Variants in BRINP2 observed in about 807,000 individuals in gnomAD.
BRINP2 encodes the protein BMP/retinoic acid inducible neural specific 2, also known as BMP/retinoic acid-inducible neural-specific protein 2.
In BRINP2, 21 loss-of-function variants were observed where a neutral mutation model predicts 69.2. That is an observed-to-expected ratio of 0.30 (90% CI 0.22 to 0.44). BRINP2 has a LOEUF of 0.44. Among genes scored for constraint, BRINP2 ranks in the 20% least tolerant of loss-of-function variants. The pLI is 1.00. For missense variants in BRINP2, 877 were observed against 986.0 expected, an observed-to-expected ratio of 0.89 and a Z score of 1.48; for synonymous variants, 380 against 394.1, an observed-to-expected ratio of 0.96 and a Z score of 0.42.
intron 7 of BRINP2, 133 bp from the exon 8 acceptor site, chr1:177,280,279 A>G (rs1205267634): frequency 5.6e-5 from 53 of 946,580 alleles, no homozygotes; most frequent in Non-Finnish European, 8.2e-5. Flanking sequence ...AGTTTCTGCC[A>G]CTCAGAGATC....
rs1212339983 is a variant in BRINP2 at position 177,276,567 on chromosome 1, ACCT to A, written c.1012+135_1012+137del. The stretch of plus-strand genomic sequence containing the variant: ...ACATGACCACTTAATTGTGTCTGTG[ACCT>A]CAAGCAGGTTATATCACCACCCTGA... On this transcript the variant is annotated intron_variant, in intron 6 of 7. Transcript: ENST00000361539. 45 of 808,060 alleles carry A rather than the reference ACCT, an allele frequency of 5.6e-5. No homozygotes were observed. In the African/African-American group the frequency reaches 7.4e-4, roughly 13 times the overall value. 50.1% of individuals were successfully genotyped at this position (808,060 alleles called of 1,614,324 possible). A position where few individuals can be genotyped will look rare whatever the true frequency, so the allele number is the denominator to read the frequency against.
intron 6 of BRINP2, among the ~76,000 whole-genome samples, 160 bp from the exon 7 acceptor site, chr1:177,278,403 G>T (rs994307513): frequency 3.4e-5 from 5 of 148,652 alleles, no homozygotes; most frequent in African/African-American, 1.3e-4. Context: ...TCTCAATAAA[G>T]GTGTTGATTT....
intron 1 of BRINP2, among the ~76,000 whole-genome samples, chr1:177,202,856 G>A (rs1192219236): frequency 6.6e-6 from 1 of 152,154 alleles, no homozygotes; most frequent in Admixed American, 6.5e-5. Flanking sequence ...TGGACAAATA[G>A]GAACACTTGT....
At chr1:177,230,230 A>G (rs972246834) in intron 2 of BRINP2, 85 bp downstream of exon 2, 1 of 1,447,096 alleles carries the variant, frequency 6.9e-7, no homozygotes, top group Non-Finnish European at 9.3e-7. Context: ...CCAAACCCCT[A>G]AACAGGCTGG....
intron 1 of BRINP2, among the ~76,000 whole-genome samples, chr1:177,202,017 G>A (rs1648928833): frequency 6.6e-6 from 1 of 152,288 alleles, no homozygotes; most frequent in South Asian, 2.1e-4. Flanking sequence ...TCTGATGGTA[G>A]TTTGTATTTC....
chr1:177,182,025 G>A (rs145790375), intron 1 of BRINP2, among the ~76,000 whole-genome samples: 1 of 152,330 alleles, frequency 6.6e-6, no homozygotes, highest in Non-Finnish European at 1.5e-5. Flanking sequence ...GCGTGCGCGT[G>A]TGCGGAGAAG....
intron 1 of BRINP2, among the ~76,000 whole-genome samples, chr1:177,188,826 A>AC (rs11431448): frequency 6.6e-6 from 1 of 151,862 alleles, no homozygotes; most frequent in Non-Finnish European, 1.5e-5. Flanking sequence ...TTTATAGAAA[A>AC]AAACCCACAC....
intron 1 of BRINP2, among the ~76,000 whole-genome samples, chr1:177,184,428 C>G (rs1001961766): frequency 6.6e-6 from 1 of 152,114 alleles, no homozygotes; most frequent in Non-Finnish European, 1.5e-5. Flanking sequence ...ACAAACAAAA[C>G]TGATATCTTG....
intron 1 of BRINP2, among the ~76,000 whole-genome samples, chr1:177,173,475 T>C (rs1201033884): frequency 1.3e-5 from 2 of 152,090 alleles, no homozygotes; most frequent in Non-Finnish European, 2.9e-5. Context: ...TCACCAAAAA[T>C]GGAGCTGGCT....
At chr1:177,176,976 G>C (rs1228542989) in intron 1 of BRINP2, among the ~76,000 whole-genome samples, 1 of 152,086 alleles carries the variant, frequency 6.6e-6, no homozygotes, top group East Asian at 1.9e-4. Flanking sequence ...GGATCAGCTG[G>C]GTATGTTTGT....
intron 1 of BRINP2, among the ~76,000 whole-genome samples, chr1:177,194,390 A>T (rs1485091994): frequency 2.0e-5 from 3 of 152,138 alleles, no homozygotes; most frequent in Admixed American, 2.0e-4. Context: ...TAGATAATGG[A>T]GTTCTTTCTG....
intron 1 of BRINP2, among the ~76,000 whole-genome samples, chr1:177,211,196 G>A (rs1649211883): frequency 4.6e-5 from 7 of 151,982 alleles, no homozygotes; most frequent in Admixed American, 4.6e-4. Context: ...TTGGTAAATA[G>A]CATAGATGTC....
chr1:177,205,884 G>A (rs1649057626), intron 1 of BRINP2, among the ~76,000 whole-genome samples: 2 of 152,108 alleles, frequency 1.3e-5, no homozygotes, highest in African/African-American at 4.8e-5. Context: ...CCTGGTATTC[G>A]CACCCTTGCA....
intron 1 of BRINP2, among the ~76,000 whole-genome samples, chr1:177,195,040 TA>T (rs1648702823): frequency 6.6e-6 from 1 of 152,176 alleles, no homozygotes; most frequent in Non-Finnish European, 1.5e-5. Context: ...CCTGTGGGTA[TA>T]AAATTTAAAA....
At chr1:177,215,955 T>C (rs1649363147) in intron 1 of BRINP2, among the ~76,000 whole-genome samples, 1 of 152,120 alleles carries the variant, frequency 6.6e-6, no homozygotes, top group Admixed American at 6.5e-5. Flanking sequence ...TTCTGTCCAA[T>C]TGCAAAGAAT....
At chr1:177,219,967 C>T (rs189725545) in intron 1 of BRINP2, among the ~76,000 whole-genome samples, 21 of 152,282 alleles carry the variant, frequency 1.4e-4, no homozygotes, top group Admixed American at 1.2e-3. Context: ...CTCTGGAGTA[C>T]GAAAGCAGCT....
intron 4 of BRINP2, among the ~76,000 whole-genome samples, chr1:177,260,318 T>G (rs535110684): frequency 6.6e-6 from 1 of 152,220 alleles, no homozygotes; most frequent in Non-Finnish European, 1.5e-5. Context: ...TTGCTTCTTA[T>G]GAATGAGCAA....
intron 2 of BRINP2, among the ~76,000 whole-genome samples, chr1:177,248,222 G>A (rs1271695003): frequency 6.6e-6 from 1 of 152,102 alleles, no homozygotes; most frequent in Non-Finnish European, 1.5e-5. Context: ...GAAATATTTT[G>A]AATTTTTTTT....
rs894977705 is a variant in BRINP2 at position 177,206,213 on chromosome 1, G to A, written c.-76-23588G>A. Among the ~76,000 whole-genome samples, 5 of 152,274 alleles carry A rather than the reference G, an allele frequency of 3.3e-5. No individual in the cohort carries two copies. In the East Asian group the frequency reaches 9.7e-4, roughly 29 times the overall value. Reference sequence around the variant, plus strand: ...CCCAGTCAAACTTCAGATGACTGAAGCCTTGGCAGGCATTATGGCTACAAC... The same window carrying A: ...CCCAGTCAAACTTCAGATGACTGAAACCTTGGCAGGCATTATGGCTACAAC... On this transcript the variant is annotated intron_variant, in intron 1 of 7. Coordinates refer to ENST00000361539, the MANE Select transcript of BRINP2 (RefSeq NM_021165.4).
Sources: allele counts gnomAD v4.1 joint callset (sites outside exome capture counted in the v4.1 genomes callset), GRCh38; gene constraint gnomAD v4.1.1; transcripts MANE v1.5; gene names NCBI Gene and HGNC (gene_info 2026-07-23, HGNC 2026-07-21).